The following FRMD5 variants were observed in gnomAD, a reference collection of about 807,000 sequenced individuals.
FRMD5 encodes FERM domain containing 5, also known as FERM domain-containing protein 5.
FRMD5 carries 20 observed loss-of-function variants against 69.0 expected under a neutral mutation model. The observed-to-expected ratio is 0.29, with a 90% CI of 0.20 to 0.42. The LOEUF (loss-of-function observed/expected upper bound fraction) is 0.42, where lower values mean the gene tolerates loss of function less well. Ranked by LOEUF, FRMD5 falls within the 10% of genes least tolerant of loss-of-function variation. The probability of loss-of-function intolerance (pLI) is 1.00; values close to 1 mark genes in which losing one functional copy is unlikely to be tolerated. For synonymous variants in FRMD5, 271 were observed against 260.1 expected, an observed-to-expected ratio of 1.04 and a Z score of -0.40; for missense variants, 595 against 708.6, an observed-to-expected ratio of 0.84 and a Z score of 1.82.
At chr15:44,015,725 A>C (rs1217822950) in intron 1 of FRMD5, among the ~76,000 whole-genome samples, 3 of 152,206 alleles carry the variant, frequency 2.0e-5, no homozygotes, top group African/African-American at 7.2e-5. Flanking sequence ...ATGGTTTGCC[A>C]GCACAAAGAG....
chr15:44,181,442 G>A (rs766801254), intron 1 of FRMD5, among the ~76,000 whole-genome samples: 3 of 151,994 alleles, frequency 2.0e-5, no homozygotes, highest in Non-Finnish European at 2.9e-5. Context: ...TCCCCCAGTG[G>A]TAAAATCTTA....
chr15:44,091,054 C>T (rs1419618226), intron 1 of FRMD5, among the ~76,000 whole-genome samples: 2 of 152,142 alleles, frequency 1.3e-5, no homozygotes, highest in Non-Finnish European at 2.9e-5. Flanking sequence ...TTCCATTATT[C>T]AAGTACCAAG....
chr15:43,990,654 C>T (rs1272261798), intron 1 of FRMD5, among the ~76,000 whole-genome samples: 1 of 152,152 alleles, frequency 6.6e-6, no homozygotes, highest in African/African-American at 2.4e-5. Flanking sequence ...TTTCACTGTA[C>T]TAAGTACTCA....
intron 1 of FRMD5, among the ~76,000 whole-genome samples, chr15:44,174,570 T>C (rs1017278150): frequency 6.6e-6 from 1 of 152,236 alleles, no homozygotes; most frequent in African/African-American, 2.4e-5. Context: ...CCTCATTTTT[T>C]AGTCAGTACA....
At chr15:44,197,859 G>A (rs2078322116), upstream of FRMD5, among the ~76,000 whole-genome samples, 1 of 152,158 alleles carries the variant, frequency 6.6e-6, no homozygotes, top group Admixed American at 6.5e-5. Context: ...CAAATAAGCA[G>A]CTGTTAGAAT....
At chr15:43,888,909 G>GAACAAGCAGCCCACAAT in intron 8 of FRMD5, 37 bp from the exon 9 acceptor site, 1 of 1,585,290 alleles carries the variant, frequency 6.3e-7, no homozygotes, top group Non-Finnish European at 8.7e-7. Context: ...ACCTCATTGT[G>GAACAAGCAGCCCACAAT]GGCTGCTTGT....
At chr15:43,979,494 G>A (rs1473634191) in intron 1 of FRMD5, among the ~76,000 whole-genome samples, 7 of 152,256 alleles carry the variant, frequency 4.6e-5, no homozygotes, top group African/African-American at 9.6e-5. Flanking sequence ...ACTTGAACTC[G>A]GTCTTATAAG....
chr15:43,928,187 C>T (rs962254279), intron 1 of FRMD5, among the ~76,000 whole-genome samples: 1 of 152,216 alleles, frequency 6.6e-6, no homozygotes, highest in African/African-American at 2.4e-5. Flanking sequence ...ACATAGTTCC[C>T]TCAAGTTCCC....
chr15:44,131,838 T>C (rs2077103892), intron 1 of FRMD5, among the ~76,000 whole-genome samples: 1 of 27,208 alleles, frequency 3.7e-5, no homozygotes, highest in Non-Finnish European at 1.8e-4. Flanking sequence ...CCAACATTTT[T>C]GACACCAGGG....
chr15:43,954,759 A>C (rs2090088556), intron 1 of FRMD5, among the ~76,000 whole-genome samples: 1 of 152,192 alleles, frequency 6.6e-6, no homozygotes, highest in Non-Finnish European at 1.5e-5. Context: ...CTTTAATAAG[A>C]CTGTCCCTAT....
intron 1 of FRMD5, among the ~76,000 whole-genome samples, chr15:44,127,433 A>T (rs903469219): frequency 4.6e-5 from 7 of 152,148 alleles, no homozygotes; most frequent in Admixed American, 3.3e-4. Context: ...AGAGACTTAT[A>T]CCCAGATCTC....
chr15:44,095,228 G>T (rs1330348191), intron 1 of FRMD5, among the ~76,000 whole-genome samples: 2 of 150,660 alleles, frequency 1.3e-5, no homozygotes, highest in East Asian at 1.9e-4. Flanking sequence ...TTTGAGTCAG[G>T]GTCTTGCTCT....
At position 43,885,737 on chromosome 15, in the gene FRMD5, T is replaced by G. The variant is rs1002361004; in HGVS notation, c.903A>C (p.Gln301His). 6.2e-7 allele frequency: 1 copy of G among 1,614,200 alleles called. No homozygotes were observed. The highest frequency in any genetic ancestry group is 8.5e-7 in the Non-Finnish European group (1 of 1,180,012). The change falls in exon 11 of 14, where the codon CAA becomes CAC. Residue 301 changes from glutamine (Q) to histidine (H), a missense_variant. Coordinates refer to ENST00000417257, the MANE Select transcript of FRMD5 (RefSeq NM_032892.5). ...QAFYKLEKSS[Q>H]VRTVSSSNLF... Reference sequence around the variant, plus strand: ...AATTGCTGCTGGACACTGTGCGGACTTGGCTTGACTTCTCCAGCCTGTAGC... The same window carrying G: ...AATTGCTGCTGGACACTGTGCGGACGTGGCTTGACTTCTCCAGCCTGTAGC...
At chr15:43,913,966 T>C (rs1389062360) in intron 4 of FRMD5, among the ~76,000 whole-genome samples, 2 of 152,250 alleles carry the variant, frequency 1.3e-5, no homozygotes, top group Non-Finnish European at 2.9e-5. Flanking sequence ...AACTGGTTTT[T>C]TGTTTTTTAA....
intron 1 of FRMD5, among the ~76,000 whole-genome samples, chr15:44,101,159 AC>A (rs67292311): frequency 0.21 from 29,166 of 140,632 alleles, 3,328 homozygotes; most frequent in South Asian, 0.36. Flanking sequence ...AAAAAAAAAA[AC>A]AACAAACAAA....
chr15:43,925,362 T>A (rs1221069228), intron 1 of FRMD5, among the ~76,000 whole-genome samples: 1 of 152,166 alleles, frequency 6.6e-6, no homozygotes, highest in Admixed American at 6.5e-5. Context: ...TACATATACA[T>A]CTCCTCTTTT....
At chr15:44,092,013 G>C (rs930196221) in intron 1 of FRMD5, among the ~76,000 whole-genome samples, 1 of 152,138 alleles carries the variant, frequency 6.6e-6, no homozygotes, top group African/African-American at 2.4e-5. Context: ...AGACTTTGAA[G>C]TATTTAAGTT....
chr15:44,078,929 A>G (rs940135508), intron 1 of FRMD5, among the ~76,000 whole-genome samples: 6 of 152,162 alleles, frequency 3.9e-5, no homozygotes, highest in African/African-American at 1.4e-4. Flanking sequence ...ATCAAAATTA[A>G]CAAAGGGCAC....
chr15:44,021,334 T>G (rs1891200883), intron 1 of FRMD5, among the ~76,000 whole-genome samples: 1 of 152,224 alleles, frequency 6.6e-6, no homozygotes, highest in African/African-American at 2.4e-5. Flanking sequence ...TAATAATTTC[T>G]GTGCCTTAAA....
Sources: gnomAD v4.1 joint callset for allele counts (sites outside exome capture counted in the v4.1 genomes callset) on GRCh38, gnomAD v4.1.1 for gene constraint, MANE v1.5 for transcripts, NCBI Gene and HGNC (gene_info 2026-07-23, HGNC 2026-07-21) for gene names.